Variants in PRKG1 observed in about 807,000 individuals in gnomAD.
The protein encoded by PRKG1 is protein kinase cGMP-dependent 1.
A neutral mutation model predicts 88.1 loss-of-function variants in PRKG1; 35 were observed. That is an observed-to-expected ratio of 0.40 (90% CI 0.30 to 0.53). The LOEUF (loss-of-function observed/expected upper bound fraction) is 0.53, where lower values mean the gene tolerates loss of function less well. PRKG1 is among the 20% of genes least tolerant of loss of function. The pLI is 0.59. For synonymous variants in PRKG1, 303 were observed against 292.5 expected (o/e 1.04, Z -0.37); for missense variants, 540 against 839.8 (o/e 0.64, Z 4.41).
chr10:52,215,928 AC>A (rs1477429829), intron 9 of PRKG1, among the ~76,000 whole-genome samples: 1 of 152,166 alleles, frequency 6.6e-6, no homozygotes, highest in East Asian at 1.9e-4. Context: ...CAAACATTGT[AC>A]TTTTGTGCCC....
chr10:51,062,385 T>G (rs1179243880), intron 1 of PRKG1, among the ~76,000 whole-genome samples: 2 of 152,226 alleles, frequency 1.3e-5, no homozygotes, highest in Non-Finnish European at 2.9e-5. Context: ...AGAAAAACAC[T>G]GAATGTTGGG....
chr10:52,121,831 C>T (rs1331385116), intron 7 of PRKG1, among the ~76,000 whole-genome samples: 1 of 152,190 alleles, frequency 6.6e-6, no homozygotes, highest in Non-Finnish European at 1.5e-5. Flanking sequence ...TCTGAGCCCT[C>T]ACCAGAATTT....
intron 3 of PRKG1, among the ~76,000 whole-genome samples, chr10:51,585,774 A>G (rs1209163809): frequency 6.6e-6 from 1 of 152,222 alleles, no homozygotes; most frequent in African/African-American, 2.4e-5. Context: ...TACACCATGG[A>G]ATACTACACA....
intron 5 of PRKG1, among the ~76,000 whole-genome samples, chr10:51,999,522 C>A (rs1844539652): frequency 1.3e-5 from 2 of 152,092 alleles, no homozygotes. Context: ...TTTAAACATA[C>A]CTATCTCCGT....
intron 10 of PRKG1, chr10:52,251,911 T>C: frequency 2.7e-6 from 1 of 371,106 alleles, no homozygotes; most frequent in Non-Finnish European, 4.9e-6. Flanking sequence ...TCATATTAAG[T>C]GTAAGGTAAA....
chr10:51,733,762 C>G (rs1309601375), intron 3 of PRKG1, among the ~76,000 whole-genome samples: 1 of 152,126 alleles, frequency 6.6e-6, no homozygotes, highest in Non-Finnish European at 1.5e-5. Context: ...TGCCAACAGT[C>G]ATGATGCTAG....
At chr10:51,671,590 C>CTT (rs757314460) in intron 3 of PRKG1, among the ~76,000 whole-genome samples, 66 of 141,774 alleles carry the variant, frequency 4.7e-4, no homozygotes, top group Admixed American at 1.8e-3. Flanking sequence ...CTCTCTCTCT[C>CTT]TTTTTTTTTT....
chr10:51,184,992 G>T (rs933494740), intron 2 of PRKG1, among the ~76,000 whole-genome samples: 2 of 152,030 alleles, frequency 1.3e-5, no homozygotes, highest in Non-Finnish European at 2.9e-5. Flanking sequence ...AAGCATTTAG[G>T]TTATTAACTT....
chr10:51,621,923 G>T (rs1434718677), intron 3 of PRKG1, among the ~76,000 whole-genome samples: 1 of 152,052 alleles, frequency 6.6e-6, no homozygotes, highest in Non-Finnish European at 1.5e-5. Flanking sequence ...TCTTGATTCG[G>T]TTCCTTACTT....
At chr10:51,285,193 T>A (rs1840410496) in intron 2 of PRKG1, among the ~76,000 whole-genome samples, 1 of 151,936 alleles carries the variant, frequency 6.6e-6, no homozygotes, top group Non-Finnish European at 1.5e-5. Flanking sequence ...ATGGTTTTTT[T>A]TAAAAGTCTT....
chr10:51,518,981 T>A (rs1841665915), intron 3 of PRKG1, among the ~76,000 whole-genome samples: 1 of 152,220 alleles, frequency 6.6e-6, no homozygotes, highest in African/African-American at 2.4e-5. Context: ...TTAGAGCCTT[T>A]ATGTGAGTGA....
intron 2 of PRKG1, among the ~76,000 whole-genome samples, chr10:51,392,322 T>C (rs1230351353): frequency 1.3e-5 from 2 of 151,588 alleles, no homozygotes; most frequent in Admixed American, 6.6e-5. Flanking sequence ...GATTAGGGAG[T>C]GGTGATGACT....
intron 12 of PRKG1, 92 bp from the exon 13 acceptor site, chr10:52,280,697 C>T: frequency 7.1e-6 from 10 of 1,401,050 alleles, no homozygotes; most frequent in Non-Finnish European, 9.7e-6. Context: ...TAAATTTTGG[C>T]AAAGGAATAT....
At chr10:51,791,614 C>A in intron 3 of PRKG1, among the ~76,000 whole-genome samples, 1 of 151,938 alleles carries the variant, frequency 6.6e-6, no homozygotes, top group East Asian at 1.9e-4. Context: ...AATATGGTAC[C>A]GATATAACTC....
chr10:51,071,603 T>C (rs1246452454), upstream of PRKG1, among the ~76,000 whole-genome samples: 1 of 152,222 alleles, frequency 6.6e-6, no homozygotes, highest in Admixed American at 6.5e-5. Flanking sequence ...GAAAATGTAA[T>C]GTGTATACAT....
chr10:51,975,216 T>TG (rs1843801502), intron 5 of PRKG1, among the ~76,000 whole-genome samples: 1 of 152,096 alleles, frequency 6.6e-6, no homozygotes, highest in Non-Finnish European at 1.5e-5. Context: ...CTAAGTAATT[T>TG]GCCCAGGGAC....
intron 2 of PRKG1, among the ~76,000 whole-genome samples, chr10:51,321,327 G>T (rs1333580278): frequency 6.6e-6 from 1 of 152,116 alleles, no homozygotes; most frequent in African/African-American, 2.4e-5. Context: ...ATGAAATTAG[G>T]AATGAAACAT....
At chr10:52,010,102 C>G (rs1844842726) in intron 5 of PRKG1, among the ~76,000 whole-genome samples, 1 of 151,980 alleles carries the variant, frequency 6.6e-6, no homozygotes. Context: ...GCATTCTGGA[C>G]AAAAGAATGG....
At chr10:51,532,394 T>C (rs1244675834) in intron 3 of PRKG1, among the ~76,000 whole-genome samples, 1 of 152,212 alleles carries the variant, frequency 6.6e-6, no homozygotes, top group Non-Finnish European at 1.5e-5. Context: ...TCATTTGACT[T>C]CCCTGAAGTA....
Sources: gnomAD v4.1 joint callset for allele counts (sites outside exome capture counted in the v4.1 genomes callset) on GRCh38, gnomAD v4.1.1 for gene constraint, MANE v1.5 for transcripts, NCBI Gene and HGNC (gene_info 2026-07-23, HGNC 2026-07-21) for gene names.